The following PCDHA2 variants were observed in gnomAD, a reference collection of about 807,000 sequenced individuals.
PCDHA2 encodes protocadherin alpha 2.
A neutral mutation model predicts 66.0 loss-of-function variants in PCDHA2; 58 were observed. The observed-to-expected ratio is 0.88, with a 90% CI of 0.71 to 1.09. The LOEUF (loss-of-function observed/expected upper bound fraction) is 1.09, where lower values mean the gene tolerates loss of function less well. Ranked by LOEUF, PCDHA2 falls within the 50% of genes least tolerant of loss-of-function variation. The probability of loss-of-function intolerance (pLI) is 0.00; values close to 1 mark genes in which losing one functional copy is unlikely to be tolerated. For missense variants in PCDHA2, 1,267 were observed against 1,242.3 expected (o/e 1.02, Z -0.30); for synonymous variants, 634 against 554.0 (o/e 1.14, Z -2.03).
intron 1 of PCDHA2, among the ~76,000 whole-genome samples, chr5:140,937,150 G>A (rs2153631833): frequency 6.7e-6 from 1 of 149,812 alleles, no homozygotes; most frequent in East Asian, 2.0e-4. Context: ...CCATTCTCCT[G>A]CCTCAGCCTC....
In PCDHA2 at chr5:140,795,306, G is replaced by T. The variant is rs781961175; in HGVS notation, c.342G>T (p.Leu114=). The part of the protein sequence containing the change: ...IHVEVIVDRP[L]QVFHVEVEVK... Reference sequence around the variant, plus strand: ...TGGAGGTGATCGTGGACAGGCCGCTGCAGGTTTTCCATGTGGAAGTGGAGG... The same window carrying T: ...TGGAGGTGATCGTGGACAGGCCGCTTCAGGTTTTCCATGTGGAAGTGGAGG... The change falls in exon 1 of 4, where the codon CTG becomes CTT. Residue 114 remains leucine (L), a synonymous_variant. Transcript: ENST00000526136. 1.2e-6 allele frequency: 2 copies of T among 1,614,246 alleles called. No individual in the cohort carries two copies. The highest frequency in any genetic ancestry group is 8.5e-7 in the Non-Finnish European group (1 of 1,180,040).
At chr5:140,880,415 G>T (rs1481227492) in intron 1 of PCDHA2, among the ~76,000 whole-genome samples, 1 of 152,202 alleles carries the variant, frequency 6.6e-6, no homozygotes, top group Non-Finnish European at 1.5e-5. Context: ...GACCTTAAAA[G>T]CGGGAACAGT....
At chr5:140,969,236 G>A (rs782453054) in intron 1 of PCDHA2, 5 of 1,614,052 alleles carry the variant, frequency 3.1e-6, no homozygotes, top group Non-Finnish European at 4.2e-6. Flanking sequence ...GGGAGCCCAA[G>A]CAGCAGTGAC....
intron 1 of PCDHA2, chr5:140,870,490 G>T: frequency 1.2e-6 from 2 of 1,614,234 alleles, no homozygotes; most frequent in Non-Finnish European, 8.5e-7. Flanking sequence ...CACCGTGTTC[G>T]TGAAGGAGAA....
intron 3 of PCDHA2, among the ~76,000 whole-genome samples, chr5:140,987,510 C>A (rs1225122300): frequency 6.6e-6 from 1 of 152,184 alleles, no homozygotes; most frequent in Non-Finnish European, 1.5e-5. Flanking sequence ...ACCTCTGCCA[C>A]TCAGTAATTG....
intron 1 of PCDHA2, chr5:140,829,426 G>A: frequency 6.2e-7 from 1 of 1,614,124 alleles, no homozygotes; most frequent in Non-Finnish European, 8.5e-7. Flanking sequence ...CTGTGGAGGT[G>A]GCCGACATGA....
Position 140,796,414 on chromosome 5 carries a change from G to C in PCDHA2, c.1450G>C (p.Ala484Pro). 4 of 1,614,006 alleles carry C rather than the reference G, an allele frequency of 2.5e-6. No homozygotes were observed. In the South Asian group the frequency reaches 4.4e-5, roughly 18 times the overall value. ...IFTVSAWDADAQENALVSYSL... is the reference protein window; with the variant it reads ...IFTVSAWDADPQENALVSYSL... ...CACGGTGTCAGCGTGGGATGCGGAC[G>C]CGCAGGAGAACGCGCTGGTGTCCTA... Residue 484 changes from alanine to proline, a missense_variant, in exon 1 of 4, where the codon GCG becomes CCG. Coordinates refer to ENST00000526136, the MANE Select transcript of PCDHA2 (RefSeq NM_018905.3).
chr5:140,796,007 C>G lies in PCDHA2; in HGVS notation c.1043C>G (p.Pro348Arg), dbSNP rs1762023250. The G allele has an allele frequency of 6.2e-7, 1 of 1,614,000 alleles. No homozygotes were observed. Among genetic ancestry groups the G allele is most frequent in the Non-Finnish European group, 8.5e-7 (1 of 1,179,990 alleles). ...CTTGTGGACATCAATGATAACACAC[C>G]AGAAGTCTCAATAACGTCTCTCTCA... is the stretch of plus-strand genomic sequence containing the variant. ...LKLVDINDNTPEVSITSLSLP... is the reference protein window; with the variant it reads ...LKLVDINDNTREVSITSLSLP... Residue 348 changes from proline to arginine, a missense_variant, in exon 1 of 4, where the codon CCA (proline) becomes CGA (arginine). Transcript: ENST00000526136.
intron 1 of PCDHA2, among the ~76,000 whole-genome samples, chr5:140,971,657 G>A (rs961666289): frequency 1.3e-5 from 2 of 151,992 alleles, no homozygotes; most frequent in African/African-American, 4.8e-5. Flanking sequence ...AAGTAGATGG[G>A]AATTAGAGAG....
At chr5:140,948,519 CTA>C (rs2094266581) in intron 1 of PCDHA2, among the ~76,000 whole-genome samples, 1 of 151,476 alleles carries the variant, frequency 6.6e-6, no homozygotes, top group African/African-American at 2.4e-5. Context: ...AATGTTAACA[CTA>C]TTTATATTTT....
At chr5:140,828,155 G>A in intron 1 of PCDHA2, 1 of 1,614,122 alleles carries the variant, frequency 6.2e-7, no homozygotes, top group Non-Finnish European at 8.5e-7. Flanking sequence ...TCTGCTCCTC[G>A]CAGCCTGGAA....
chr5:140,907,932 A>T (rs1291390398), intron 1 of PCDHA2, among the ~76,000 whole-genome samples: 1 of 152,202 alleles, frequency 6.6e-6, no homozygotes, highest in Non-Finnish European at 1.5e-5. Context: ...GTCCATTCAC[A>T]TACCTTTTCC....
chr5:140,863,444 G>A, intron 1 of PCDHA2: 4 of 585,532 alleles, frequency 6.8e-6, no homozygotes, highest in South Asian at 2.8e-5. Context: ...GGTCTTACTC[G>A]CAGCAAAGGA....
intron 1 of PCDHA2, among the ~76,000 whole-genome samples, chr5:140,880,638 T>C (rs1239160653): frequency 6.6e-6 from 1 of 152,134 alleles, no homozygotes; most frequent in Non-Finnish European, 1.5e-5. Flanking sequence ...ATCAATTCAC[T>C]TGAGAGCCCA....
intron 1 of PCDHA2, chr5:140,841,587 G>A: frequency 6.2e-7 from 1 of 1,614,074 alleles, no homozygotes; most frequent in Middle Eastern, 1.7e-4. Context: ...GTGAATTCTC[G>A]GATCGACCGC....
At chr5:141,003,328 G>C (rs941196932) in intron 3 of PCDHA2, among the ~76,000 whole-genome samples, 1 of 152,102 alleles carries the variant, frequency 6.6e-6, no homozygotes, top group Admixed American at 6.5e-5. Flanking sequence ...AGAGGGCAGG[G>C]TTTTTTGTTT....
intron 1 of PCDHA2, chr5:140,863,128 C>G (rs555226712): frequency 3.3e-6 from 2 of 598,142 alleles, no homozygotes; most frequent in East Asian, 8.9e-5. Context: ...TACGCGCCAC[C>G]GCCTGCTGGT....
chr5:140,807,346 A>G (rs373851381), intron 1 of PCDHA2: 57 of 1,612,700 alleles, frequency 3.5e-5, no homozygotes, highest in Middle Eastern at 3.5e-4. Context: ...AGGACCTGGG[A>G]CTGGAGCTGG....
At position 140,850,209 on chromosome 5, in the gene PCDHA2, G is replaced by C. The variant is rs17844333; in HGVS notation, c.2388+52857G>C. ...GGCGCTGCTGACACCTCGGATGAGG[G>C]GCACTGACGGCGCAGTGAGCGAGAT... On this transcript the variant is annotated intron_variant, in intron 1 of 3. Coordinates refer to ENST00000526136, the MANE Select transcript of PCDHA2 (RefSeq NM_018905.3). 7.0e-3 allele frequency: 11,231 copies of C among 1,593,568 alleles called. 1,600 individuals carry two copies. The Admixed American group carries it at 0.15, about 21-fold the overall frequency.
Sources: allele counts gnomAD v4.1 joint callset (sites outside exome capture counted in the v4.1 genomes callset), GRCh38; gene constraint gnomAD v4.1.1; transcripts MANE v1.5; gene names NCBI Gene and HGNC (gene_info 2026-07-23, HGNC 2026-07-21).